Variants in TAS2R1 observed in about 807,000 individuals in gnomAD.
TAS2R1 encodes the protein taste receptor type 2 member 1.
For missense variants in TAS2R1, 370 were observed against 353.4 expected (o/e 1.05, Z -0.38); for synonymous variants, 141 against 134.2 (o/e 1.05, Z -0.35).
chr5:9,671,981 A>C (rs1740776150), intron 1 of TAS2R1, among the ~76,000 whole-genome samples: 1 of 152,170 alleles, frequency 6.6e-6, no homozygotes, highest in Admixed American at 6.6e-5. Context: ...CCCAGAAATA[A>C]TACCTCACAC....
At chr5:9,827,818 G>A in the TAS2R1 span, among the ~76,000 whole-genome samples, 15 of 151,982 alleles carry the variant, frequency 9.9e-5, no homozygotes, top group African/African-American at 3.6e-4. Flanking sequence ...TTAAGTATCA[G>A]GTAAATACCT....
At chr5:9,899,196 T>C in the TAS2R1 span, among the ~76,000 whole-genome samples, 1 of 152,188 alleles carries the variant, frequency 6.6e-6, no homozygotes, top group African/African-American at 2.4e-5. Context: ...GCACTCAGGA[T>C]GTATGACCAC....
chr5:9,753,119 G>A, the TAS2R1 span, among the ~76,000 whole-genome samples: 3 of 152,086 alleles, frequency 2.0e-5, no homozygotes, highest in Admixed American at 6.5e-5. Context: ...CTGAAGAATC[G>A]CCACACTGAC....
intron 1 of TAS2R1, among the ~76,000 whole-genome samples, chr5:9,665,361 T>A (rs896473494): frequency 3.3e-5 from 5 of 152,246 alleles, no homozygotes; most frequent in African/African-American, 1.2e-4. Flanking sequence ...CCTAATTACA[T>A]CTACAAAGTC....
the TAS2R1 span, among the ~76,000 whole-genome samples, chr5:9,790,540 T>A: frequency 6.6e-6 from 1 of 152,162 alleles, no homozygotes; most frequent in Admixed American, 6.5e-5. Context: ...CACTTGCACA[T>A]GTGTTGAAAT....
the TAS2R1 span, among the ~76,000 whole-genome samples, chr5:9,892,747 C>T: frequency 6.6e-6 from 1 of 152,154 alleles, no homozygotes; most frequent in Non-Finnish European, 1.5e-5. Context: ...GGAACTTCCC[C>T]TCCCTGAATG....
chr5:9,696,135 A>G (rs1273236095), intron 1 of TAS2R1, among the ~76,000 whole-genome samples: 1 of 152,176 alleles, frequency 6.6e-6, no homozygotes, highest in African/African-American at 2.4e-5. Flanking sequence ...TCAATATTCA[A>G]AAAAAAATTT....
intron 1 of TAS2R1, among the ~76,000 whole-genome samples, chr5:9,695,584 G>A (rs192319393): frequency 2.1e-4 from 32 of 152,296 alleles, no homozygotes; most frequent in Admixed American, 6.5e-4. Flanking sequence ...CGGCTTGGGT[G>A]CACTGGGGGT....
chr5:9,751,547 T>C, the TAS2R1 span, among the ~76,000 whole-genome samples: 3 of 152,186 alleles, frequency 2.0e-5, no homozygotes, highest in Non-Finnish European at 4.4e-5. Flanking sequence ...ACATCTGTTA[T>C]AAATGATTCC....
At chr5:9,848,782 A>G in the TAS2R1 span, among the ~76,000 whole-genome samples, 3 of 152,218 alleles carry the variant, frequency 2.0e-5, no homozygotes, top group Non-Finnish European at 4.4e-5. Flanking sequence ...AATAAATTTA[A>G]GAAAAGAAAA....
At chr5:9,855,404 T>A in the TAS2R1 span, among the ~76,000 whole-genome samples, 1 of 152,206 alleles carries the variant, frequency 6.6e-6, no homozygotes, top group Non-Finnish European at 1.5e-5. Context: ...TACTTATAGG[T>A]CCTAGGCAAA....
intron 1 of TAS2R1, among the ~76,000 whole-genome samples, chr5:9,694,973 C>T (rs1307409620): frequency 6.6e-5 from 10 of 152,198 alleles, no homozygotes; most frequent in Non-Finnish European, 2.9e-5. Context: ...AAAATCCTTT[C>T]TCCTTCCAGT....
chr5:9,782,742 C>A, the TAS2R1 span, among the ~76,000 whole-genome samples: 1 of 152,114 alleles, frequency 6.6e-6, no homozygotes, highest in Non-Finnish European at 1.5e-5. Context: ...TACATCTTTT[C>A]TTTTCTTTCT....
intron 1 of TAS2R1, among the ~76,000 whole-genome samples, chr5:9,663,672 C>T (rs1740578087): frequency 6.6e-6 from 1 of 152,188 alleles, no homozygotes; most frequent in South Asian, 2.1e-4. Flanking sequence ...TTTTAGGTAG[C>T]AGTCCTTGTA....
the TAS2R1 span, among the ~76,000 whole-genome samples, chr5:9,769,897 G>C: frequency 6.6e-6 from 1 of 152,012 alleles, no homozygotes; most frequent in Non-Finnish European, 1.5e-5. Flanking sequence ...TTCCTTGTCT[G>C]TGCAGAAGCT....
chr5:9,787,417 C>A, the TAS2R1 span, among the ~76,000 whole-genome samples: 1 of 152,016 alleles, frequency 6.6e-6, no homozygotes, highest in Non-Finnish European at 1.5e-5. Flanking sequence ...TATCAAAAAC[C>A]AGGTATTGCA....
rs545540769 is a variant in TAS2R1 at position 9,678,508 on chromosome 5, G to A, written c.-241-18927C>T. Among the ~76,000 whole-genome samples the A allele has an allele frequency of 3.9e-5, 6 of 152,168 alleles. No homozygotes were observed. The East Asian group carries it at 1.2e-3, about 29-fold the overall frequency. ...TATGTTCATTGCAGCACTATTCACAGTAGCAAAGACATGGAATCAACCCAA... is the reference window on the plus strand; with the variant it reads ...TATGTTCATTGCAGCACTATTCACAATAGCAAAGACATGGAATCAACCCAA... On this transcript the variant is annotated intron_variant, in intron 1 of 2. Transcript: ENST00000506620.
chr5:9,669,225 A>G (rs1740702917), intron 1 of TAS2R1, among the ~76,000 whole-genome samples: 1 of 152,210 alleles, frequency 6.6e-6, no homozygotes, highest in African/African-American at 2.4e-5. Flanking sequence ...TATCCTATAA[A>G]TGTGCAGCCA....
the TAS2R1 span, among the ~76,000 whole-genome samples, chr5:9,729,143 A>C: frequency 6.6e-6 from 1 of 152,190 alleles, no homozygotes; most frequent in African/African-American, 2.4e-5. Flanking sequence ...CCCCAGTCTG[A>C]CCAACCCACA....
Sources: gnomAD v4.1 joint callset for allele counts (sites outside exome capture counted in the v4.1 genomes callset) on GRCh38, gnomAD v4.1.1 for gene constraint, MANE v1.5 for transcripts, NCBI Gene and HGNC (gene_info 2026-07-23, HGNC 2026-07-21) for gene names.